TRAIP: variants seen among roughly 807,000 people sequenced by gnomAD.
TRAIP encodes the protein E3 ubiquitin-protein ligase TRAIP.
A neutral mutation model predicts 65.0 loss-of-function variants in TRAIP; 37 were observed. That is an observed-to-expected ratio of 0.57 (90% CI 0.44 to 0.75). The LOEUF (loss-of-function observed/expected upper bound fraction) is 0.75, where lower values mean the gene tolerates loss of function less well. Ranked by LOEUF, TRAIP falls within the 30% of genes least tolerant of loss-of-function variation. The pLI, the probability that TRAIP is intolerant of heterozygous loss-of-function variation, is 0.00. For synonymous variants in TRAIP, 187 were observed against 219.1 expected (o/e 0.85, Z 1.29); for missense variants, 481 against 579.4 (o/e 0.83, Z 1.74).
intron 3 of TRAIP, among the ~76,000 whole-genome samples, chr3:49,845,531 C>G (rs1442683630): frequency 6.6e-6 from 1 of 152,234 alleles, no homozygotes; most frequent in Non-Finnish European, 1.5e-5. Context: ...ACCTAGGACT[C>G]TGGGGGCAAG....
chr3:49,840,408 A>G, intron 8 of TRAIP, 35 bp from the exon 9 acceptor site: 1 of 1,588,848 alleles, frequency 6.3e-7, no homozygotes. Flanking sequence ...AGACAAGCCA[A>G]GTGGTAGCCT....
In TRAIP at chr3:49,842,454, G is replaced by T; in HGVS notation, c.502C>A (p.Gln168Lys). 1 of 1,613,924 alleles carries T rather than the reference G, an allele frequency of 6.2e-7. No homozygotes were observed. The highest frequency in any genetic ancestry group is 8.5e-7 in the Non-Finnish European group (1 of 1,179,970). Residue 168 changes from glutamine (Q) to lysine (K), a missense_variant and splice_region_variant, in exon 6 of 15, where the codon CAG becomes AAG. Gln to Lys is a moderately conservative substitution (Grantham distance 53). Coordinates refer to ENST00000331456, the MANE Select transcript of TRAIP (RefSeq NM_005879.3). ...TGCAGGACCCAGCTCCAAACTCACT[G>T]CTCCATGGTCTTCATCTTGCTCCTG... ...RLRSKMKTME[Q>K]IELLLQSQRP...
At chr3:49,852,324 A>G (rs1429390506) in intron 1 of TRAIP, among the ~76,000 whole-genome samples, 4 of 149,592 alleles carry the variant, frequency 2.7e-5, no homozygotes, top group East Asian at 4.1e-4. Context: ...CCGAGATCGG[A>G]CCATTGCACT....
intron 10 of TRAIP, among the ~76,000 whole-genome samples, chr3:49,834,714 C>T (rs554814486): frequency 2.0e-5 from 3 of 152,196 alleles, no homozygotes; most frequent in African/African-American, 7.2e-5. Flanking sequence ...CACATCCCCC[C>T]CAAACCCTAC....
intron 1 of TRAIP, among the ~76,000 whole-genome samples, chr3:49,855,675 G>C (rs1339420853): frequency 2.0e-5 from 3 of 152,114 alleles, no homozygotes; most frequent in African/African-American, 2.4e-5. Context: ...CTGCTTCCTA[G>C]GGCCTTTAGC....
intron 1 of TRAIP, among the ~76,000 whole-genome samples, chr3:49,854,560 T>A (rs1448304593): frequency 2.0e-5 from 3 of 151,912 alleles, no homozygotes; most frequent in Non-Finnish European, 2.9e-5. Flanking sequence ...GAGGGAAAAA[T>A]GGAGAAATAC....
intron 1 of TRAIP, among the ~76,000 whole-genome samples, chr3:49,849,931 TC>T (rs1296143853): frequency 1.3e-5 from 2 of 148,690 alleles, no homozygotes; most frequent in African/African-American, 5.0e-5. Context: ...ACTGCAACCT[TC>T]GCCTCCCAGG....
chr3:49,843,642 T>C (rs1020262846), intron 5 of TRAIP, 159 bp downstream of exon 5: 23 of 979,202 alleles, frequency 2.3e-5, no homozygotes, highest in Admixed American at 4.2e-5. Flanking sequence ...GGGTACAGTA[T>C]GGAAGGGCAA....
rs117723247 is a variant in TRAIP at position 49,840,127 on chromosome 3, G to A, written c.795+157C>T. On this transcript the variant is annotated intron_variant, in intron 9 of 14. Transcript: ENST00000331456. ...GTTGAGGAGGCCCAGGCTCCAGTCC[G>A]GACCAGGGCCAAGGGGCACACCCTG... 7.1e-4 allele frequency among the ~76,000 whole-genome samples: 108 copies of A among 152,310 alleles called. 1 individual carries two copies. In the East Asian group the frequency reaches 0.017, roughly 24 times the overall value.
Position 49,841,194 on chromosome 3 carries a change from C to A in TRAIP, c.618-122G>T, listed in dbSNP as rs1303804874. On this transcript the variant is annotated intron_variant, in intron 7 of 14. Coordinates refer to ENST00000331456, the MANE Select transcript of TRAIP (RefSeq NM_005879.3). ...CAACTCACTCTCATTCCTACTTTGA[C>A]ACCTGAGCCCAACAAGTACCAGGTG... The A allele has an allele frequency of 3.8e-6, 3 of 795,250 alleles. No homozygotes were observed. In the East Asian group the frequency reaches 7.6e-5, roughly 20 times the overall value. 49.3% of individuals were successfully genotyped at this position (795,250 alleles called of 1,614,324 possible).
At chr3:49,851,307 T>C (rs761884119) in intron 1 of TRAIP, among the ~76,000 whole-genome samples, 1 of 152,324 alleles carries the variant, frequency 6.6e-6, no homozygotes, top group Non-Finnish European at 1.5e-5. Flanking sequence ...TCTGGCTGCA[T>C]AGATATGTTC....
chr3:49,838,987 G>A lies in TRAIP; in HGVS notation c.884+785C>T, dbSNP rs563850048. Among the ~76,000 whole-genome samples the A allele has an allele frequency of 6.7e-5, 10 of 148,392 alleles. 1 individual carries two copies. Among genetic ancestry groups the A allele is most frequent in the Admixed American group, 3.4e-4 (5 of 14,866 alleles). ...AGGTGGCTCACGAGGTCAGGAGATC[G>A]AGACCATCCTGGCCAACATGGTGAA... On this transcript the variant is annotated intron_variant, in intron 10 of 14. Coordinates refer to ENST00000331456, the MANE Select transcript of TRAIP (RefSeq NM_005879.3).
chr3:49,856,516 G>T lies in TRAIP; in HGVS notation c.-63C>A, dbSNP rs2081971402. ...CTGCTACAGGTCCGGCTTCGTAGAC[G>T]CGCCCCCGCGCCTCCGCTTGCTTCA... On this transcript the variant is annotated 5_prime_UTR_variant, in exon 1 of 15. Coordinates refer to ENST00000331456, the MANE Select transcript of TRAIP (RefSeq NM_005879.3). 6.9e-7 allele frequency: 1 copy of T among 1,448,914 alleles called. No individual in the cohort carries two copies. 89.8% of individuals were successfully genotyped at this position (1,448,914 alleles called of 1,614,324 possible).
At chr3:49,853,520 C>T (rs1441154523) in intron 1 of TRAIP, among the ~76,000 whole-genome samples, 1 of 152,066 alleles carries the variant, frequency 6.6e-6, no homozygotes, top group African/African-American at 2.4e-5. Context: ...GCTGAAGTGG[C>T]TATACTAATA....
intron 6 of TRAIP, 47 bp downstream of exon 6, chr3:49,842,406 A>G: frequency 6.4e-7 from 1 of 1,570,990 alleles, no homozygotes; most frequent in Non-Finnish European, 8.8e-7. Flanking sequence ...TACCACTTGC[A>G]GGCCCTGGGG....
At chr3:49,832,133 G>A in intron 10 of TRAIP, 65 bp from the exon 11 acceptor site, 1 of 1,463,442 alleles carries the variant, frequency 6.8e-7, no homozygotes. Context: ...AGCTCCTGAA[G>A]CATCAGAGAT....
chr3:49,830,061 T>C lies in TRAIP; in HGVS notation c.1045A>G (p.Ile349Val), dbSNP rs944774685. 2 of 1,614,136 alleles carry C rather than the reference T, an allele frequency of 1.2e-6. No homozygotes were observed. ...KLCLEKSHSPIQDVPKKICKG... is the reference protein window; with the variant it reads ...KLCLEKSHSPVQDVPKKICKG... ...CATATCTTCTTGGGGACATCCTGAATTGGGGAGCTACAAGAATGAGAGAGA... is the reference window on the plus strand; with the variant it reads ...CATATCTTCTTGGGGACATCCTGAACTGGGGAGCTACAAGAATGAGAGAGA... The change falls in exon 12 of 15, where the codon ATT becomes GTT. Residue 349 changes from isoleucine to valine, a missense_variant. By Grantham distance (29) the Ile-to-Val change is conservative. Transcript: ENST00000331456.
At chr3:49,854,785 G>A (rs1303854373) in intron 1 of TRAIP, among the ~76,000 whole-genome samples, 1 of 152,054 alleles carries the variant, frequency 6.6e-6, no homozygotes, top group African/African-American at 2.4e-5. Context: ...GGCTGGGTGC[G>A]GTGGTTCACA....
intron 1 of TRAIP, among the ~76,000 whole-genome samples, chr3:49,854,251 G>A (rs1399623960): frequency 6.6e-6 from 1 of 152,190 alleles, no homozygotes; most frequent in Non-Finnish European, 1.5e-5. Context: ...CTTGAGTCCA[G>A]GAGGTCAAGG....
Sources: gnomAD v4.1 joint callset for allele counts (sites outside exome capture counted in the v4.1 genomes callset) on GRCh38, gnomAD v4.1.1 for gene constraint, MANE v1.5 for transcripts, NCBI Gene and HGNC (gene_info 2026-07-23, HGNC 2026-07-21) for gene names.